The following NBPF11 variants were observed in gnomAD, a reference collection of about 807,000 sequenced individuals.
NBPF11 encodes NBPF member 11.
In NBPF11, 72 loss-of-function variants were observed where a neutral mutation model predicts 93.9. That is an observed-to-expected ratio of 0.77 (90% CI 0.63 to 0.93). The LOEUF is 0.93. NBPF11 is among the 40% of genes least tolerant of loss of function. The pLI is 0.00. For missense variants in NBPF11, 705 were observed against 802.2 expected (o/e 0.88, Z 1.46); for synonymous variants, 224 against 304.9 (o/e 0.73, Z 2.76).
chr1:148,140,078 A>T (rs1222035319), intron 2 of NBPF11, among the ~76,000 whole-genome samples: 2 of 151,906 alleles, frequency 1.3e-5, no homozygotes, highest in African/African-American at 4.9e-5. Context: ...AAAAGAGAAA[A>T]CACACACAAA....
At chr1:148,149,480 G>C (rs1485184744) in intron 1 of NBPF11, 15 of 1,591,530 alleles carry the variant, frequency 9.4e-6, no homozygotes, top group Middle Eastern at 2.3e-4. Flanking sequence ...GGAGGGCGCC[G>C]GGCACAACGA....
intron 22 of NBPF11, 70 bp downstream of exon 22, chr1:148,105,290 T>G: frequency 1.4e-6 from 1 of 705,434 alleles, no homozygotes; most frequent in South Asian, 1.5e-5. Context: ...AATGGCCACT[T>G]GGAGCAGGAA....
intron 4 of NBPF11, among the ~76,000 whole-genome samples, chr1:148,132,417 T>C (rs1670557016): frequency 6.7e-6 from 1 of 149,676 alleles, no homozygotes; most frequent in Non-Finnish European, 1.5e-5. Context: ...ATTCTGGAAA[T>C]AGGTAGTGAA....
intron 2 of NBPF11, among the ~76,000 whole-genome samples, chr1:148,140,065 G>T (rs1263318342): frequency 2.0e-5 from 3 of 151,852 alleles, no homozygotes. Context: ...TGTGAAGTTG[G>T]TCAAAAGAGA....
chr1:148,137,290 AG>A (rs1671462987), intron 3 of NBPF11, among the ~76,000 whole-genome samples: 2 of 151,598 alleles, frequency 1.3e-5, no homozygotes, highest in African/African-American at 4.9e-5. Context: ...AAGATGAAAC[AG>A]ACAGGTAAGG....
rs1372090845 is a variant in NBPF11 at position 148,124,957 on chromosome 1, C to T, written c.220G>A (p.Glu74Lys). 48 of 1,607,936 alleles carry T rather than the reference C, an allele frequency of 3.0e-5. No homozygotes were observed. Among genetic ancestry groups the T allele is most frequent in the Non-Finnish European group, 1.7e-6 (2 of 1,178,224 alleles). The change falls in exon 6 of 24, where the codon GAG (glutamate) becomes AAG (lysine). Residue 74 changes from glutamate (E) to lysine (K), a missense_variant. Coordinates refer to ENST00000682118, the MANE Select transcript of NBPF11 (RefSeq NM_001385469.3). ...AGCTTCTCCTCCTTGAACTGTCGCT[C>T]ATTCCTCAGCATAAATTTTATGAGG... ...KDLIKFMLRN[E>K]RQFKEEKLAE...
chr1:148,148,052 C>A (rs2149312163), intron 1 of NBPF11, among the ~76,000 whole-genome samples: 1 of 152,300 alleles, frequency 6.6e-6, no homozygotes, highest in South Asian at 2.1e-4. Flanking sequence ...GGGCTCCTGC[C>A]TGTAGCAGGT....
intron 8 of NBPF11, among the ~76,000 whole-genome samples, chr1:148,122,488 G>A (rs1162117171): frequency 1.3e-5 from 2 of 152,082 alleles, no homozygotes; most frequent in South Asian, 2.1e-4. Context: ...CAGTGCACTG[G>A]ACAGATAGGA....
At position 148,126,071 on chromosome 1, in the gene NBPF11, A is replaced by G. The variant is rs1435088567; in HGVS notation, c.175+758T>C. Among the ~76,000 whole-genome samples the G allele has an allele frequency of 6.6e-5, 10 of 151,836 alleles. No individual in the cohort carries two copies. The East Asian group carries it at 1.3e-3, about 20-fold the overall frequency. ...GCTGGAGTGCAATAGTGCAATCTTG[A>G]CTCACTGCAACATCTGCCTGCTGGG... On this transcript the variant is annotated intron_variant, in intron 5 of 23. Coordinates refer to ENST00000682118, the MANE Select transcript of NBPF11 (RefSeq NM_001385469.3).
chr1:148,146,986 G>A lies in NBPF11; in HGVS notation c.-548-3300C>T, dbSNP rs1252679681. 4.4e-5 allele frequency: 64 copies of A among 1,469,398 alleles called. 5 individuals carry two copies. The African/African-American group carries it at 7.8e-4, about 18-fold the overall frequency. 91.0% of individuals were successfully genotyped at this position (1,469,398 alleles called of 1,614,324 possible). ...CAAGAGGGGACCAGGCGGGGGGCCG[G>A]GGGGCGGGCTTCCCTGGGAGGAAGG... On this transcript the variant is annotated intron_variant, in intron 1 of 23. Coordinates refer to ENST00000682118, the MANE Select transcript of NBPF11 (RefSeq NM_001385469.3).
At chr1:148,126,400 C>T (rs1255552516) in intron 5 of NBPF11, among the ~76,000 whole-genome samples, 1 of 151,212 alleles carries the variant, frequency 6.6e-6, no homozygotes, top group Non-Finnish European at 1.5e-5. Flanking sequence ...GTACTATCAC[C>T]AAGTTCCCCT....
chr1:148,121,123 C>T (rs1438018384), intron 9 of NBPF11, among the ~76,000 whole-genome samples: 4 of 151,708 alleles, frequency 2.6e-5, no homozygotes, highest in Non-Finnish European at 4.4e-5. Flanking sequence ...CAGCTCACTG[C>T]CACCTCTGCC....
chr1:148,133,893 TTAG>T (rs1670841976), intron 4 of NBPF11, among the ~76,000 whole-genome samples: 1 of 150,992 alleles, frequency 6.6e-6, no homozygotes, highest in Non-Finnish European at 1.5e-5. Context: ...AGTTGACTTC[TTAG>T]TAGATTTCCC....
At chr1:148,108,208 G>T (rs1277813124) in intron 18 of NBPF11, among the ~76,000 whole-genome samples, 3 of 151,316 alleles carry the variant, frequency 2.0e-5, no homozygotes, top group Non-Finnish European at 4.4e-5. Context: ...TCAGAGTTGT[G>T]TGAATTTGTC....
chr1:148,109,011 T>C (rs1664580813), intron 17 of NBPF11, among the ~76,000 whole-genome samples: 1 of 151,296 alleles, frequency 6.6e-6, no homozygotes, highest in Non-Finnish European at 1.5e-5. Context: ...CTCAATAATT[T>C]TGCATAAAAT....
chr1:148,114,878 T>C (rs1346180579), intron 14 of NBPF11, among the ~76,000 whole-genome samples: 8 of 151,558 alleles, frequency 5.3e-5, no homozygotes, highest in South Asian at 2.1e-4. Context: ...ACACGACTGA[T>C]AGATAAATTT....
chr1:148,132,366 T>C (rs1571475632), intron 4 of NBPF11, among the ~76,000 whole-genome samples: 2 of 140,384 alleles, frequency 1.4e-5, no homozygotes, highest in South Asian at 2.3e-4. Flanking sequence ...TTTTTTTTTT[T>C]CAACAAAACA....
Position 148,126,904 on chromosome 1 carries a change from G to A in NBPF11, c.100C>T (p.Gln34Ter). The A allele has an allele frequency of 6.4e-6, 9 of 1,401,390 alleles. No homozygotes were observed. Among genetic ancestry groups the A allele is most frequent in the Non-Finnish European group, 8.0e-6 (8 of 1,005,056 alleles). 86.8% of individuals were successfully genotyped at this position (1,401,390 alleles called of 1,614,324 possible). The change falls in exon 5 of 24, where the codon CAG becomes TAG. Residue 34 changes from glutamine (Q) to a stop codon, truncating the protein, a stop_gained. Coordinates refer to ENST00000682118, the MANE Select transcript of NBPF11 (RefSeq NM_001385469.3). LOFTEE classifies it high-confidence loss of function. ...CATCTCTCTTTGAGGTTTCTGAACTGCTGTTTGTTCTCTGCCAACTGGGGG... is the reference window on the plus strand; with the variant it reads ...CATCTCTCTTTGAGGTTTCTGAACTACTGTTTGTTCTCTGCCAACTGGGGG... The part of the protein sequence containing the change: ...LRPQLAENKQ[Q>*]FRNLKERCFL...
chr1:148,111,872 C>T (rs1571420672), intron 15 of NBPF11, among the ~76,000 whole-genome samples: 1 of 150,606 alleles, frequency 6.6e-6, no homozygotes, highest in Non-Finnish European at 1.5e-5. Flanking sequence ...GCAAGGAAGG[C>T]CAACATTCAA....
Sources: allele counts gnomAD v4.1 joint callset (sites outside exome capture counted in the v4.1 genomes callset), GRCh38; gene constraint gnomAD v4.1.1; transcripts MANE v1.5; gene names NCBI Gene and HGNC (gene_info 2026-07-23, HGNC 2026-07-21).